Variants in RMDN2 observed in about 807,000 individuals in gnomAD.
RMDN2 encodes regulator of microtubule dynamics 2.
RMDN2 carries 61 observed loss-of-function variants against 52.8 expected under a neutral mutation model. That is an observed-to-expected ratio of 1.16 (90% CI 0.94 to 1.43). The LOEUF (loss-of-function observed/expected upper bound fraction) is 1.43, where lower values mean the gene tolerates loss of function less well. Among genes scored for constraint, RMDN2 ranks in the 40% most tolerant of loss-of-function variants. The pLI, the probability that RMDN2 is intolerant of heterozygous loss-of-function variation, is 0.00. For missense variants in RMDN2, 592 were observed against 475.3 expected (o/e 1.25, Z -2.28); for synonymous variants, 180 against 153.1 (o/e 1.18, Z -1.30).
Position 38,017,379 on chromosome 2 carries a change from TG to T in RMDN2, c.*141del. Reference sequence around the variant, plus strand: ...AAGGTAAAGCCATGTTTCTGCAGAATGCATTCCACTAGTAGCACTACAAAAT... The same window carrying T: ...AAGGTAAAGCCATGTTTCTGCAGAATCATTCCACTAGTAGCACTACAAAAT... On this transcript the variant is annotated 3_prime_UTR_variant, in exon 11 of 11. Coordinates refer to ENST00000354545, the MANE Select transcript of RMDN2 (RefSeq NM_001170791.3). 2 of 1,389,982 alleles carry T rather than the reference TG, an allele frequency of 1.4e-6. No individual in the cohort carries two copies. Among genetic ancestry groups the T allele is most frequent in the Non-Finnish European group, 1.9e-6 (2 of 1,065,208 alleles). The allele number at this position is 1,389,982 out of a possible 1,614,324, so 86.1% of individuals were successfully genotyped here.
intron 7 of RMDN2, among the ~76,000 whole-genome samples, chr2:37,995,851 C>T (rs886332224): frequency 8.5e-5 from 13 of 152,202 alleles, no homozygotes; most frequent in African/African-American, 2.9e-4. Flanking sequence ...ATAATGAAAA[C>T]CCCAAGTAGA....
At chr2:38,031,419 C>G (rs995690683) in intron 10 of RMDN2, among the ~76,000 whole-genome samples, 6 of 151,846 alleles carry the variant, frequency 4.0e-5, no homozygotes, top group African/African-American at 1.5e-4. Flanking sequence ...AACTACAGGT[C>G]CCTTTCCCAC....
rs527941432 is a variant in RMDN2 at position 38,051,853 on chromosome 2, A to AT, written c.1714-15118dup. On this transcript the variant is annotated intron_variant, in intron 10 of 10. Transcript: ENST00000234195. ...CATCCATGTTACTGCAAATGACATG[A>AT]TTTTTTTTTTTATGGTTGAACAGTA... 2.2e-3 allele frequency among the ~76,000 whole-genome samples: 324 copies of AT among 148,026 alleles called. 1 individual carries two copies. The highest frequency in any genetic ancestry group is 6.0e-3 in the African/African-American group (243 of 40,520).
intron 2 of RMDN2, among the ~76,000 whole-genome samples, chr2:37,970,436 T>A (rs1379522341): frequency 2.0e-5 from 3 of 152,210 alleles, no homozygotes; most frequent in Non-Finnish European, 4.4e-5. Flanking sequence ...ATAGCTTGAT[T>A]GATATTTTAT....
At chr2:37,968,018 C>T (rs1345659907) in intron 2 of RMDN2, among the ~76,000 whole-genome samples, 3 of 151,812 alleles carry the variant, frequency 2.0e-5, no homozygotes, top group South Asian at 2.1e-4. Flanking sequence ...TCCTTTTTTC[C>T]GTGAACTTTT....
chr2:38,017,290 A>C lies in RMDN2; in HGVS notation c.*51A>C. 6.8e-7 allele frequency: 1 copy of C among 1,478,230 alleles called. No individual in the cohort carries two copies. Among genetic ancestry groups the C allele is most frequent in the Non-Finnish European group, 9.0e-7 (1 of 1,111,134 alleles). 91.6% of individuals were successfully genotyped at this position (1,478,230 alleles called of 1,614,324 possible). ...TCAGATGTGGTCTACCAAAATTTAA[A>C]TGAATCAAAGTTGTGCTTTTATTAT... On this transcript the variant is annotated 3_prime_UTR_variant, in exon 11 of 11. Coordinates refer to ENST00000354545, the MANE Select transcript of RMDN2 (RefSeq NM_001170791.3).
chr2:37,971,964 T>G (rs998034647), intron 2 of RMDN2, among the ~76,000 whole-genome samples: 8 of 152,206 alleles, frequency 5.3e-5, no homozygotes, highest in Non-Finnish European at 1.2e-4. Flanking sequence ...TGATATTGGG[T>G]CTTCTAAACC....
intron 10 of RMDN2, among the ~76,000 whole-genome samples, chr2:38,050,897 G>T (rs1315162828): frequency 6.6e-6 from 1 of 152,132 alleles, no homozygotes; most frequent in Non-Finnish European, 1.5e-5. Context: ...TGGTAGCTGG[G>T]ATTACAGCTG....
chr2:37,999,418 T>C (rs1265506355), intron 8 of RMDN2, among the ~76,000 whole-genome samples: 1 of 152,208 alleles, frequency 6.6e-6, no homozygotes, highest in East Asian at 1.9e-4. Flanking sequence ...CACGGAATTT[T>C]AATTTCATTA....
intron 2 of RMDN2, among the ~76,000 whole-genome samples, chr2:37,941,082 GT>G (rs1438662583): frequency 2.0e-5 from 3 of 152,132 alleles, no homozygotes; most frequent in Non-Finnish European, 4.4e-5. Flanking sequence ...TTTTTGCGTG[GT>G]CTTCCTTTTT....
rs895826135 is a variant in RMDN2, at chr2:37,933,448, C to T, written c.452+3719C>T. On this transcript the variant is annotated intron_variant, in intron 2 of 10. Transcript: ENST00000354545. ...CTGGGAGGTGGAGGTTGTAGCGAGC[C>T]GAGATCACGCCACTGCACCCCAGCC... Among the ~76,000 whole-genome samples the T allele has an allele frequency of 3.5e-4, 54 of 152,328 alleles. 1 individual carries two copies. Among genetic ancestry groups the T allele is most frequent in the South Asian group, 1.0e-3 (5 of 4,824 alleles).
chr2:38,065,670 C>T (rs189965983), intron 10 of RMDN2, among the ~76,000 whole-genome samples: 1 of 152,338 alleles, frequency 6.6e-6, no homozygotes, highest in Non-Finnish European at 1.5e-5. Context: ...TACACCAACA[C>T]TTAGGTGATG....
rs557326993 is a variant in RMDN2, at chr2:37,988,550, A to G, written c.792-991A>G. Among the ~76,000 whole-genome samples the G allele has an allele frequency of 8.5e-5, 13 of 152,302 alleles. No individual in the cohort carries two copies. In the East Asian group the frequency reaches 2.5e-3, roughly 29 times the overall value. ...ATTAAGTTATCGTTTGTGTCTAGGA[A>G]TGGTCTTACTGTTCCAAATTAAAAT... On this transcript the variant is annotated intron_variant, in intron 5 of 10. Coordinates refer to ENST00000354545, the MANE Select transcript of RMDN2 (RefSeq NM_001170791.3).
At position 38,044,402 on chromosome 2, in the gene RMDN2, T is replaced by A. The variant is rs1258741711; in HGVS notation, c.1714-22580T>A. On this transcript the variant is annotated intron_variant, in intron 10 of 10. Coordinates refer to the RMDN2 transcript ENST00000234195. ...CCTGGTTTTCTCTGGGCTTCCTAGATCTGTGATTCAGTATCTGTCATTATT... is the reference window on the plus strand; with the variant it reads ...CCTGGTTTTCTCTGGGCTTCCTAGAACTGTGATTCAGTATCTGTCATTATT... 2.0e-5 allele frequency among the ~76,000 whole-genome samples: 3 copies of A among 152,066 alleles called. No individual in the cohort carries two copies. The South Asian group carries it at 6.2e-4, about 32-fold the overall frequency.
At chr2:37,954,363 G>C (rs1669198641) in intron 2 of RMDN2, among the ~76,000 whole-genome samples, 2 of 152,018 alleles carry the variant, frequency 1.3e-5, no homozygotes. Flanking sequence ...TGCATTTTGA[G>C]TTAATTTTTG....
chr2:37,962,712 C>A (rs1670416739), intron 2 of RMDN2, among the ~76,000 whole-genome samples: 1 of 151,780 alleles, frequency 6.6e-6, no homozygotes, highest in South Asian at 2.1e-4. Flanking sequence ...TTCTGTCTTT[C>A]TGGGGTTCAC....
At chr2:38,016,526 A>G (rs913502426) in intron 10 of RMDN2, among the ~76,000 whole-genome samples, 1 of 152,248 alleles carries the variant, frequency 6.6e-6, no homozygotes, top group Non-Finnish European at 1.5e-5. Context: ...AGCCATATGA[A>G]TATGATCTGT....
chr2:37,964,659 T>C (rs1310270091), intron 2 of RMDN2, among the ~76,000 whole-genome samples: 1 of 152,166 alleles, frequency 6.6e-6, no homozygotes, highest in Non-Finnish European at 1.5e-5. Flanking sequence ...TTCTGTTATT[T>C]TTGGGTGGCA....
At chr2:38,065,372 AT>A (rs4646435) in intron 10 of RMDN2, among the ~76,000 whole-genome samples, 36 of 151,128 alleles carry the variant, frequency 2.4e-4, no homozygotes, top group East Asian at 7.8e-4. Flanking sequence ...ATAGGAATAA[AT>A]TTTAAAAAAA....
Sources: allele counts gnomAD v4.1 joint callset (sites outside exome capture counted in the v4.1 genomes callset), GRCh38; gene constraint gnomAD v4.1.1; transcripts MANE v1.5; gene names NCBI Gene and HGNC (gene_info 2026-07-23, HGNC 2026-07-21).